DOCK10: variants seen among roughly 807,000 people sequenced by gnomAD.
The protein encoded by DOCK10 is dedicator of cytokinesis protein 10.
Under a neutral mutation model 280.1 loss-of-function variants are expected in DOCK10, and 145 were observed. That is an observed-to-expected ratio of 0.52 (90% confidence interval 0.45 to 0.59). The LOEUF (loss-of-function observed/expected upper bound fraction) is 0.59. DOCK10 is among the 20% of genes least tolerant of loss of function. The pLI is 0.00. For missense variants in DOCK10, 2,368 were observed against 2,651.7 expected, an observed-to-expected ratio of 0.89 and a Z score of 2.35; for synonymous variants, 915 against 942.2, an observed-to-expected ratio of 0.97 and a Z score of 0.53.
At position 224,841,822 on chromosome 2, in the gene DOCK10, A is replaced by G. The variant is rs764569717; in HGVS notation, c.2643T>C (p.Asn881=). Residue 881 remains asparagine (N), a synonymous_variant, in exon 23 of 56, where the codon AAT becomes AAC. Transcript: ENST00000258390. The part of the protein sequence containing the change: ...EKDMSQSPTS[N]FIRSCKNLLN... ...ATGTTACCTTACAAGAGCGGATGAA[A>G]TTTGAGGTAGGTGACTGAGACATAT... The G allele has an allele frequency of 6.2e-7, 1 of 1,612,312 alleles. No individual in the cohort carries two copies. The highest frequency in any genetic ancestry group is 8.5e-7 in the Non-Finnish European group (1 of 1,178,424).
intron 1 of DOCK10, among the ~76,000 whole-genome samples, chr2:224,985,356 T>C (rs72974696): frequency 1.7e-4 from 26 of 151,612 alleles, no homozygotes; most frequent in Non-Finnish European, 2.5e-4. Context: ...TCCTGGGTCA[T>C]TAATTATATA....
intron 1 of DOCK10, among the ~76,000 whole-genome samples, chr2:224,950,339 AT>A (rs1240244325): frequency 6.6e-6 from 1 of 152,194 alleles, no homozygotes; most frequent in Non-Finnish European, 1.5e-5. Context: ...GCTGGTCTAA[AT>A]TTTTTATGGA....
chr2:224,919,268 T>C (rs1241955979), intron 2 of DOCK10, among the ~76,000 whole-genome samples: 1 of 150,036 alleles, frequency 6.7e-6, no homozygotes, highest in Non-Finnish European at 1.5e-5. Context: ...TGTGTAGGTT[T>C]GTCTGCATGT....
rs553512444 is a variant in DOCK10 at position 224,917,411 on chromosome 2, T to C, written c.244-627A>G. ...TATTGCTGCTAAGGCTAAAATAAATTTGAAATGAAGAAGAAAACTTACAAA... is the reference window on the plus strand; with the variant it reads ...TATTGCTGCTAAGGCTAAAATAAATCTGAAATGAAGAAGAAAACTTACAAA... On this transcript the variant is annotated intron_variant, in intron 2 of 55. Coordinates refer to ENST00000258390, the MANE Select transcript of DOCK10 (RefSeq NM_014689.3). Among the ~76,000 whole-genome samples the C allele has an allele frequency of 2.0e-5, 3 of 152,262 alleles. No individual in the cohort carries two copies. In the East Asian group the frequency reaches 5.8e-4, roughly 29 times the overall value.
At chr2:225,014,397 G>A (rs191173755) in intron 1 of DOCK10, among the ~76,000 whole-genome samples, 10 of 152,012 alleles carry the variant, frequency 6.6e-5, no homozygotes, top group Non-Finnish European at 1.5e-5. Flanking sequence ...TATAAAAATA[G>A]AGAATTTAAA....
chr2:225,004,291 A>G (rs763358599), intron 1 of DOCK10, among the ~76,000 whole-genome samples: 24 of 152,220 alleles, frequency 1.6e-4, no homozygotes, highest in Non-Finnish European at 3.1e-4. Context: ...AAGGAAGAAA[A>G]GGTGGGAAAG....
At chr2:224,773,454 C>T in intron 52 of DOCK10, 107 bp from the exon 53 acceptor site, 1 of 977,022 alleles carries the variant, frequency 1.0e-6, no homozygotes, top group African/African-American at 1.6e-5. Flanking sequence ...CACATGGCAC[C>T]TTCCATTCTG....
At chr2:225,011,555 T>C (rs1689440708) in intron 1 of DOCK10, among the ~76,000 whole-genome samples, 1 of 152,250 alleles carries the variant, frequency 6.6e-6, no homozygotes, top group East Asian at 1.9e-4. Flanking sequence ...AAAATGTTTA[T>C]GTTGGCAGTT....
At chr2:224,946,524 A>C (rs942723469) in intron 1 of DOCK10, among the ~76,000 whole-genome samples, 1 of 152,176 alleles carries the variant, frequency 6.6e-6, no homozygotes, top group African/African-American at 2.4e-5. Context: ...CTTTTCTTTA[A>C]TAAAGAGAAT....
In DOCK10 at chr2:224,864,615, C is replaced by T. The variant is rs1163066384; in HGVS notation, c.1540G>A (p.Val514Ile). 1 of 1,613,450 alleles carries T rather than the reference C, an allele frequency of 6.2e-7. No individual in the cohort carries two copies. The highest frequency in any genetic ancestry group is 1.7e-5 in the Admixed American group (1 of 59,894). ...EIVLVAKIEK[V>I]LMGNIASGAE... is the part of the protein sequence containing the mutation. ...CCACTTGCAATGTTTCCCATCAAGA[C>T]TTTTTCGATTTTGGCCACCAAAACA... The change falls in exon 13 of 56, where the codon GTC becomes ATC. Residue 514 changes from valine to isoleucine, a missense_variant. By Grantham distance (29) the Val-to-Ile change is conservative. This residue lies in a region of DOCK10 where 1,209 missense variants were observed against 1,250.9 expected (regional missense o/e 0.97). Coordinates refer to ENST00000258390, the MANE Select transcript of DOCK10 (RefSeq NM_014689.3).
Position 224,853,054 on chromosome 2 carries a change from C to T in DOCK10, c.1957G>A (p.Glu653Lys), listed in dbSNP as rs1368597907. 6.2e-7 allele frequency: 1 copy of T among 1,611,578 alleles called. No homozygotes were observed. Among genetic ancestry groups the T allele is most frequent in the Admixed American group, 1.7e-5 (1 of 59,980 alleles). Reference sequence around the variant, plus strand: ...GAATCGTAAACAAATTCTTCCACCTCCACTGTGGGTTCTGTTTGAGCCATC... The same window carrying T: ...GAATCGTAAACAAATTCTTCCACCTTCACTGTGGGTTCTGTTTGAGCCATC... Reference protein sequence around the residue: ...NMMAQTEPTVEVEEFVYDSTK... With the variant: ...NMMAQTEPTVKVEEFVYDSTK... The change falls in exon 17 of 56, where the codon GAG (glutamate) becomes AAG (lysine). Residue 653 changes from glutamate (E) to lysine (K), a missense_variant. This residue lies in a region of DOCK10 where 1,209 missense variants were observed against 1,250.9 expected (regional missense o/e 0.97). Transcript: ENST00000258390.
At chr2:224,800,010 T>C (rs1303943381) in intron 41 of DOCK10, 141 bp downstream of exon 41, 2 of 500,758 alleles carry the variant, frequency 4.0e-6, no homozygotes, top group Non-Finnish European at 7.2e-6. Context: ...CTTTAACATG[T>C]TTTCCACTCA....
chr2:224,982,295 C>T (rs1328107261), intron 1 of DOCK10: 3 of 1,231,936 alleles, frequency 2.4e-6, no homozygotes, highest in Non-Finnish European at 3.0e-6. Flanking sequence ...GCGTCGTCTA[C>T]AAATGTGTGG....
At chr2:224,833,490 T>G (rs1179231780) in intron 26 of DOCK10, among the ~76,000 whole-genome samples, 8 of 151,756 alleles carry the variant, frequency 5.3e-5, no homozygotes, top group Admixed American at 2.6e-4. Context: ...CTTCAAATTT[T>G]TTTTTTTTTT....
At chr2:224,962,911 T>C (rs1041142409) in intron 1 of DOCK10, among the ~76,000 whole-genome samples, 20 of 152,212 alleles carry the variant, frequency 1.3e-4, no homozygotes, top group African/African-American at 4.1e-4. Context: ...GTCCCACAGT[T>C]GTATTTTTTT....
At chr2:224,796,006 G>A (rs890507686) in intron 44 of DOCK10, among the ~76,000 whole-genome samples, 3 of 149,788 alleles carry the variant, frequency 2.0e-5, no homozygotes, top group Non-Finnish European at 3.0e-5. Context: ...TTTACTTTGA[G>A]GAGTGCTCAA....
chr2:224,873,889 G>A (rs1206836764), intron 11 of DOCK10, 107 bp downstream of exon 11: 3 of 1,170,630 alleles, frequency 2.6e-6, no homozygotes, highest in South Asian at 1.6e-5. Flanking sequence ...TGGTACACTA[G>A]AGAGTGAGAA....
At position 225,027,464 on chromosome 2, in the gene DOCK10, A is replaced by AC. The variant is rs1407951120; in HGVS notation, c.123+14787dup. Among the ~76,000 whole-genome samples, 5 of 151,790 alleles carry AC rather than the reference A, an allele frequency of 3.3e-5. No homozygotes were observed. In the East Asian group the frequency reaches 9.7e-4, roughly 29 times the overall value. On this transcript the variant is annotated intron_variant, in intron 1 of 55. Coordinates refer to ENST00000258390, the MANE Select transcript of DOCK10 (RefSeq NM_014689.3). ...CACCCAATTCTCATATCAAATTGTA[A>AC]CCCCCAGTGTTGGAGGTGGGGCCTC...
At chr2:224,788,621 C>A (rs1413037255) in intron 48 of DOCK10, among the ~76,000 whole-genome samples, 1 of 152,088 alleles carries the variant, frequency 6.6e-6, no homozygotes, top group African/African-American at 2.4e-5. Flanking sequence ...CTAAGTAATT[C>A]TCAGTAGAAA....
Sources: gnomAD v4.1 joint callset for allele counts (sites outside exome capture counted in the v4.1 genomes callset) on GRCh38, gnomAD v4.1.1 for gene constraint, gnomAD v4.1.1 regional missense constraint, MANE v1.5 for transcripts, NCBI Gene and HGNC (gene_info 2026-07-23, HGNC 2026-07-21) for gene names.